The following LRRC7 variants were observed in gnomAD, a reference collection of about 807,000 sequenced individuals.
The protein encoded by LRRC7 is leucine rich repeat containing 7, also known as leucine-rich repeat-containing protein 7.
A neutral mutation model predicts 175.7 loss-of-function variants in LRRC7; 23 were observed. The observed-to-expected ratio is 0.13, with a 90% CI of 0.09 to 0.19. LRRC7 has a LOEUF of 0.19. Ranked by LOEUF, LRRC7 falls within the 10% of genes least tolerant of loss-of-function variation. The pLI is 1.00. For missense variants in LRRC7, 1,354 were observed against 1,904.7 expected, an observed-to-expected ratio of 0.71 and a Z score of 5.38; for synonymous variants, 685 against 680.9, an observed-to-expected ratio of 1.01 and a Z score of -0.09.
intron 25 of LRRC7, among the ~76,000 whole-genome samples, chr1:70,090,447 G>C (rs1003214287): frequency 6.6e-6 from 1 of 151,984 alleles, no homozygotes; most frequent in South Asian, 2.1e-4. Context: ...CCATTTCCTG[G>C]ACATTCAAGA....
chr1:69,928,327 C>T (rs948305526), intron 7 of LRRC7, among the ~76,000 whole-genome samples: 2 of 152,230 alleles, frequency 1.3e-5, no homozygotes, highest in Admixed American at 6.5e-5. Context: ...AACCACTGCT[C>T]TCTTCAAAGC....
At chr1:69,783,420 AG>A (rs1180738211) in intron 3 of LRRC7, among the ~76,000 whole-genome samples, 1 of 152,184 alleles carries the variant, frequency 6.6e-6, no homozygotes, top group African/African-American at 2.4e-5. Context: ...ATATACAAAA[AG>A]GTTGTCTTGC....
At chr1:69,823,403 T>G (rs1679528076) in intron 4 of LRRC7, among the ~76,000 whole-genome samples, 1 of 152,182 alleles carries the variant, frequency 6.6e-6, no homozygotes, top group African/African-American at 2.4e-5. Flanking sequence ...CTTTCAATCA[T>G]TCTTCTGAGT....
intron 1 of LRRC7, among the ~76,000 whole-genome samples, chr1:69,577,821 C>T (rs1345335301): frequency 2.0e-5 from 3 of 152,078 alleles, no homozygotes; most frequent in Admixed American, 2.0e-4. Flanking sequence ...CGTGATGCCT[C>T]CAGCTTTCTT....
intron 2 of LRRC7, among the ~76,000 whole-genome samples, chr1:69,713,338 A>G (rs1291869251): frequency 6.6e-6 from 1 of 151,734 alleles, no homozygotes; most frequent in Non-Finnish European, 1.5e-5. Flanking sequence ...AAATGTATAT[A>G]TATATATTTA....
chr1:70,078,808 G>GTGCA (rs1221200081), intron 24 of LRRC7, among the ~76,000 whole-genome samples: 2 of 90,794 alleles, frequency 2.2e-5, no homozygotes, highest in Non-Finnish European at 4.4e-5. Flanking sequence ...GCGCGCGCGC[G>GTGCA]CGCACACACA....
At chr1:69,849,832 T>C (rs980950467) in intron 7 of LRRC7, among the ~76,000 whole-genome samples, 1 of 152,100 alleles carries the variant, frequency 6.6e-6, no homozygotes, top group Non-Finnish European at 1.5e-5. Flanking sequence ...ACAAGTCAGT[T>C]AAAAATAACT....
intron 1 of LRRC7, among the ~76,000 whole-genome samples, chr1:69,672,961 G>T (rs780809833): frequency 1.2e-4 from 19 of 152,224 alleles, no homozygotes; most frequent in African/African-American, 4.3e-4. Context: ...TTTCATTTTT[G>T]ATAATTTCTA....
At chr1:69,821,320 GT>G in intron 4 of LRRC7, among the ~76,000 whole-genome samples, 1 of 151,962 alleles carries the variant, frequency 6.6e-6, no homozygotes, top group Non-Finnish European at 1.5e-5. Context: ...TAAATGGGCT[GT>G]TTCCGATTTA....
chr1:69,728,337 A>G (rs112244121), intron 2 of LRRC7, among the ~76,000 whole-genome samples: 221 of 152,288 alleles, frequency 1.5e-3, no homozygotes, highest in Non-Finnish European at 2.3e-3. Flanking sequence ...AAAATACCAT[A>G]TAAACAAAAA....
intron 25 of LRRC7, among the ~76,000 whole-genome samples, chr1:70,099,380 A>C (rs1432655518): frequency 7.3e-6 from 1 of 137,016 alleles, no homozygotes; most frequent in African/African-American, 2.8e-5. Flanking sequence ...GAATGGGCAA[A>C]AACTGGAAGC....
chr1:69,822,935 T>A (rs1481781164), intron 4 of LRRC7, among the ~76,000 whole-genome samples: 1 of 152,214 alleles, frequency 6.6e-6, no homozygotes, highest in Non-Finnish European at 1.5e-5. Context: ...ACTGAAAATA[T>A]CTTTATTCCA....
At chr1:69,951,686 G>A (rs914772146) in intron 8 of LRRC7, among the ~76,000 whole-genome samples, 1 of 152,064 alleles carries the variant, frequency 6.6e-6, no homozygotes, top group African/African-American at 2.4e-5. Flanking sequence ...ACTAATGCAG[G>A]AACAGAAAAC....
At chr1:69,958,417 G>T (rs1302232509) in intron 8 of LRRC7, among the ~76,000 whole-genome samples, 2 of 152,002 alleles carry the variant, frequency 1.3e-5, no homozygotes, top group South Asian at 4.1e-4. Context: ...AAGGCAAAGA[G>T]TTGGGCACAT....
In LRRC7 at chr1:69,939,027, ATATCTATATATATCTATATC is replaced by A. The variant is rs1388286418; in HGVS notation, c.711+7463_711+7482del. The stretch of plus-strand genomic sequence containing the variant: ...TATATATATATATCTATATATATAT[ATATCTATATATATCTATATC>A]TATCTCACAGACATTGCCAGAAGTT... On this transcript the variant is annotated intron_variant, in intron 8 of 26. Transcript: ENST00000651989. Among the ~76,000 whole-genome samples, 254 of 80,020 alleles carry A rather than the reference ATATCTATATATATCTATATC, an allele frequency of 3.2e-3. 10 individuals carry two copies. In the East Asian group the frequency reaches 0.032, roughly 10 times the overall value. The allele number at this position is 80,020 out of a possible 152,430, so 52.5% of individuals were successfully genotyped here. A position where few individuals can be genotyped will look rare whatever the true frequency, so the allele number is the denominator to read the frequency against.
intron 7 of LRRC7, among the ~76,000 whole-genome samples, chr1:69,907,761 T>A (rs1225681464): frequency 2.6e-5 from 4 of 152,224 alleles, no homozygotes; most frequent in Admixed American, 2.6e-4. Context: ...GGTATCAGGA[T>A]GATGCTGGCC....
At chr1:70,020,848 CT>C (rs1305979134) in intron 15 of LRRC7, 156 bp from the exon 16 acceptor site, 1 of 495,862 alleles carries the variant, frequency 2.0e-6, no homozygotes. Context: ...GAATTTTATT[CT>C]TTTCTCTTTC....
chr1:69,914,772 G>T (rs1278767252), intron 7 of LRRC7, among the ~76,000 whole-genome samples: 1 of 152,054 alleles, frequency 6.6e-6, no homozygotes, highest in Non-Finnish European at 1.5e-5. Context: ...TGTAAATAAA[G>T]ATTTGTTGCA....
chr1:69,849,635 A>G (rs1249231243), intron 7 of LRRC7, among the ~76,000 whole-genome samples: 3 of 152,064 alleles, frequency 2.0e-5, no homozygotes, highest in African/African-American at 4.8e-5. Context: ...GAGAGAATAT[A>G]AAATGAAAAA....
Sources: allele counts gnomAD v4.1 joint callset (sites outside exome capture counted in the v4.1 genomes callset), GRCh38; gene constraint gnomAD v4.1.1; transcripts MANE v1.5; gene names NCBI Gene and HGNC (gene_info 2026-07-23, HGNC 2026-07-21).